The following BNC2 variants were observed in gnomAD, a reference collection of about 807,000 sequenced individuals.
The protein encoded by BNC2 is zinc finger protein basonuclin-2.
A neutral mutation model predicts 76.3 loss-of-function variants in BNC2; 20 were observed. The ratio of observed to expected loss-of-function variants is 0.26; its 90% CI spans 0.18 to 0.38. The LOEUF (loss-of-function observed/expected upper bound fraction) is 0.38, where lower values mean the gene tolerates loss of function less well. BNC2 is among the 10% of genes least tolerant of loss of function. The pLI is 1.00. For missense variants in BNC2, 1,382 were observed against 1,399.8 expected (o/e 0.99, Z 0.20); for synonymous variants, 582 against 514.8 (o/e 1.13, Z -1.77).
intron 5 of BNC2, among the ~76,000 whole-genome samples, chr9:16,479,652 C>T (rs1459435626): frequency 6.6e-6 from 1 of 152,062 alleles, no homozygotes; most frequent in Non-Finnish European, 1.5e-5. Flanking sequence ...CTATAATTTA[C>T]AATTTTGGGG....
intron 1 of BNC2, among the ~76,000 whole-genome samples, chr9:16,801,838 C>G (rs1247708658): frequency 6.6e-6 from 1 of 151,878 alleles, no homozygotes. Flanking sequence ...TTCAAAACAG[C>G]TGTGTGAAGG....
intron 3 of BNC2, among the ~76,000 whole-genome samples, chr9:16,609,916 A>G (rs963777119): frequency 2.6e-5 from 4 of 152,128 alleles, no homozygotes; most frequent in East Asian, 3.9e-4. Flanking sequence ...ACAATAGAAG[A>G]AACAGGTTTG....
chr9:16,487,407 T>C (rs1008053525), intron 5 of BNC2, among the ~76,000 whole-genome samples: 4 of 152,192 alleles, frequency 2.6e-5, no homozygotes, highest in Non-Finnish European at 5.9e-5. Context: ...TTTATAAAAA[T>C]GTATGAGAGA....
intron 3 of BNC2, among the ~76,000 whole-genome samples, chr9:16,624,537 T>C (rs1820941851): frequency 6.6e-6 from 1 of 152,210 alleles, no homozygotes. Context: ...AGTCGTCTGC[T>C]GCATTCCGCT....
intron 1 of BNC2, among the ~76,000 whole-genome samples, chr9:16,809,778 A>G (rs973313521): frequency 1.4e-4 from 22 of 152,180 alleles, no homozygotes; most frequent in African/African-American, 5.3e-4. Flanking sequence ...CTCTGTCTCA[A>G]AAACACAAAA....
At chr9:16,594,301 T>A (rs879730247) in intron 3 of BNC2, among the ~76,000 whole-genome samples, 21 of 152,154 alleles carry the variant, frequency 1.4e-4, no homozygotes, top group Non-Finnish European at 2.8e-4. Flanking sequence ...ACACAAAAGT[T>A]GTCCCAAGTT....
At chr9:16,640,377 G>C (rs1170895029) in intron 3 of BNC2, among the ~76,000 whole-genome samples, 3 of 152,106 alleles carry the variant, frequency 2.0e-5, no homozygotes, top group Admixed American at 1.3e-4. Context: ...ATACATGAGA[G>C]TTCAGCTAAT....
At chr9:16,588,918 C>G (rs1301125226) in intron 3 of BNC2, among the ~76,000 whole-genome samples, 2 of 152,160 alleles carry the variant, frequency 1.3e-5, no homozygotes, top group Non-Finnish European at 2.9e-5. Flanking sequence ...ACAAGGCTAA[C>G]TGATAAAACT....
At chr9:16,423,835 AAC>A in intron 6 of BNC2, among the ~76,000 whole-genome samples, 1 of 152,178 alleles carries the variant, frequency 6.6e-6, no homozygotes, top group African/African-American at 2.4e-5. Context: ...GCTTCCTTTA[AAC>A]CTCTGTACTC....
At chr9:16,565,821 CAACA>C (rs1221445951) in intron 4 of BNC2, among the ~76,000 whole-genome samples, 2 of 147,706 alleles carry the variant, frequency 1.4e-5, no homozygotes, top group Non-Finnish European at 3.0e-5. Flanking sequence ...AAAAAAAAAG[CAACA>C]AACAAATAAA....
At chr9:16,609,783 T>G (rs983498112) in intron 3 of BNC2, among the ~76,000 whole-genome samples, 2 of 152,180 alleles carry the variant, frequency 1.3e-5, no homozygotes, top group African/African-American at 4.8e-5. Flanking sequence ...TTGACAAAAC[T>G]GTTGCTCTTC....
intron 5 of BNC2, among the ~76,000 whole-genome samples, chr9:16,469,535 G>A (rs1408665142): frequency 6.6e-6 from 1 of 152,164 alleles, no homozygotes; most frequent in Non-Finnish European, 1.5e-5. Context: ...TTTGTTCCTA[G>A]TCTCTGGTAT....
At chr9:16,513,552 G>A (rs1041468922) in intron 5 of BNC2, among the ~76,000 whole-genome samples, 23 of 152,040 alleles carry the variant, frequency 1.5e-4, no homozygotes, top group African/African-American at 4.6e-4. Context: ...TGATCCTCCC[G>A]CCTCGGCCTC....
intron 5 of BNC2, among the ~76,000 whole-genome samples, chr9:16,518,584 TGTTG>T (rs1253122207): frequency 0.062 from 8,632 of 138,398 alleles, 861 homozygotes; most frequent in African/African-American, 0.22. Context: ...ATATATTTTT[TGTTG>T]TTGTTGTTGT....
At chr9:16,606,869 G>C (rs1177149726) in intron 3 of BNC2, among the ~76,000 whole-genome samples, 1 of 152,192 alleles carries the variant, frequency 6.6e-6, no homozygotes, top group Non-Finnish European at 1.5e-5. Context: ...GCGATCTGAT[G>C]GTTTTTAAAA....
chr9:16,571,056 G>A (rs940992877), intron 4 of BNC2, among the ~76,000 whole-genome samples: 2 of 152,118 alleles, frequency 1.3e-5, no homozygotes, highest in Non-Finnish European at 2.9e-5. Context: ...ATTGTAAAAT[G>A]TAGCAATTTT....
rs150600752 is a variant in BNC2 at position 16,798,846 on chromosome 9, C to A, written c.4-60361G>T. 6.3e-3 allele frequency among the ~76,000 whole-genome samples: 960 copies of A among 152,220 alleles called. 8 individuals are homozygous for A. The highest frequency in any genetic ancestry group is 0.027 in the Middle Eastern group (8 of 292). On this transcript the variant is annotated intron_variant, in intron 1 of 6. Coordinates refer to ENST00000380672, the MANE Select transcript of BNC2 (RefSeq NM_017637.6). ...AGAGCAGAAGGTAAACAATCACGCA[C>A]AAGTAATGGCAACAATGGTGAGCCC... is the stretch of plus-strand genomic sequence containing the variant.
intron 3 of BNC2, among the ~76,000 whole-genome samples, chr9:16,661,315 C>G (rs761078791): frequency 1.3e-5 from 2 of 152,142 alleles, no homozygotes; most frequent in African/African-American, 2.4e-5. Context: ...CTTGGATAAA[C>G]CACATAAACT....
intron 1 of BNC2, among the ~76,000 whole-genome samples, chr9:16,785,420 A>G (rs1030241294): frequency 6.6e-6 from 1 of 152,066 alleles, no homozygotes; most frequent in Admixed American, 6.6e-5. Flanking sequence ...GTTAAGACAG[A>G]GTTTTGCTCT....
Sources: gnomAD v4.1 joint callset for allele counts (sites outside exome capture counted in the v4.1 genomes callset) on GRCh38, gnomAD v4.1.1 for gene constraint, MANE v1.5 for transcripts, NCBI Gene and HGNC (gene_info 2026-07-23, HGNC 2026-07-21) for gene names.